Variants in ZC3H14 observed in about 807,000 individuals in gnomAD.
ZC3H14 encodes zinc finger CCCH-type containing 14.
A neutral mutation model predicts 92.4 loss-of-function variants in ZC3H14; 31 were observed. The observed-to-expected ratio is 0.34, with a 90% CI of 0.25 to 0.45. The LOEUF (loss-of-function observed/expected upper bound fraction) is 0.45, where lower values mean the gene tolerates loss of function less well. ZC3H14 is among the 20% of genes least tolerant of loss of function. ZC3H14 has a pLI of 1.00. For synonymous variants in ZC3H14, 321 were observed against 300.9 expected, an observed-to-expected ratio of 1.07 and a Z score of -0.69; for missense variants, 781 against 897.3, an observed-to-expected ratio of 0.87 and a Z score of 1.66.
At position 88,572,603 on chromosome 14, in the gene ZC3H14, A is replaced by C; in HGVS notation, c.457A>C (p.Thr153Pro). Residue 153 changes from threonine to proline, a missense_variant, in exon 6 of 17, where the codon ACC (threonine) becomes CCC (proline). By Grantham distance (38) the Thr-to-Pro change is conservative. Coordinates refer to ENST00000251038, the MANE Select transcript of ZC3H14 (RefSeq NM_024824.5). ...ACAGACTTACGATGATGGAGCTGCAACCCGACTAATGTCAACAGTGAAACC... is the reference window on the plus strand; with the variant it reads ...ACAGACTTACGATGATGGAGCTGCACCCCGACTAATGTCAACAGTGAAACC... Reference protein sequence around the residue: ...VRQTYDDGAATRLMSTVKPLR... With the variant: ...VRQTYDDGAAPRLMSTVKPLR... 6.2e-7 allele frequency: 1 copy of C among 1,614,176 alleles called. No homozygotes were observed. The highest frequency in any genetic ancestry group is 8.5e-7 in the Non-Finnish European group (1 of 1,180,038).
At chr14:88,592,490 C>CTTT (rs1566945839) in intron 9 of ZC3H14, 3 of 115,984 alleles carry the variant, frequency 2.6e-5, no homozygotes, top group Non-Finnish European at 5.3e-5. Context: ...TATAAGGATT[C>CTTT]CTTTTTTTTT....
rs778169090 is a variant in ZC3H14 at position 88,602,888 on chromosome 14, C to T, written c.1575C>T (p.Val525=). Reference sequence around the variant, plus strand: ...AGTTTATAGTGACGCTGGATGGTGTCCCCAGCCCCCCAGGATACATGTCAG... The same window carrying T: ...AGTTTATAGTGACGCTGGATGGTGTTCCCAGCCCCCCAGGATACATGTCAG... ...SPKFIVTLDG[V]PSPPGYMSDQ... The change falls in exon 12 of 17, where the codon GTC becomes GTT. Residue 525 remains valine, a synonymous_variant. Coordinates refer to ENST00000251038, the MANE Select transcript of ZC3H14 (RefSeq NM_024824.5). 24 of 1,613,970 alleles carry T rather than the reference C, an allele frequency of 1.5e-5. No homozygotes were observed. The highest frequency in any genetic ancestry group is 3.3e-5 in the Admixed American group (2 of 59,998).
intron 7 of ZC3H14, 45 bp from the exon 8 acceptor site, chr14:88,575,795 C>T: frequency 6.6e-7 from 1 of 1,526,644 alleles, no homozygotes; most frequent in Non-Finnish European, 9.1e-7. Context: ...CTGTGAGGAA[C>T]TGAAATTTAA....
chr14:88,620,535 C>A lies in ZC3H14; in HGVS notation c.*8784C>A. On this transcript the variant is annotated 3_prime_UTR_variant, in exon 17 of 17. Coordinates refer to ENST00000251038, the MANE Select transcript of ZC3H14 (RefSeq NM_024824.5). This position sits in a 1 kb window ranked among gnomAD's most constrained non-coding sequence, Gnocchi z 4.3. ...TTAACATGAATTCATCAAACATTAC[C>A]TACTAGTACTTGCTATTATAGTTGG... The A allele has an allele frequency of 2.5e-6, 1 of 399,770 alleles. No individual in the cohort carries two copies. The highest frequency in any genetic ancestry group is 4.4e-6 in the Non-Finnish European group (1 of 228,396). The allele number at this position is 399,770 out of a possible 1,614,324, so 24.8% of individuals were successfully genotyped here. A position where few individuals can be genotyped will look rare whatever the true frequency, so the allele number is the denominator to read the frequency against.
chr14:88,592,038 A>G (rs191891423), intron 9 of ZC3H14: 32 of 152,370 alleles, frequency 2.1e-4, no homozygotes, highest in Admixed American at 6.5e-4. Flanking sequence ...CTGCTGATGA[A>G]TATTTACACT....
Position 88,574,681 on chromosome 14 carries a change from A to G in ZC3H14, c.862-12A>G, listed in dbSNP as rs1449241889. The G allele has an allele frequency of 1.9e-6, 3 of 1,614,046 alleles. No homozygotes were observed. The highest frequency in any genetic ancestry group is 2.5e-6 in the Non-Finnish European group (3 of 1,179,946). On this transcript the variant is annotated splice_polypyrimidine_tract_variant and intron_variant, in intron 6 of 16. Transcript: ENST00000251038. Reference sequence around the variant, plus strand: ...CTGAGATTAGGTAAGCATAAATTTTATCTGATTGCAGGATGAAAACTTTCG... The same window carrying G: ...CTGAGATTAGGTAAGCATAAATTTTGTCTGATTGCAGGATGAAAACTTTCG...
At chr14:88,588,066 C>G (rs927112846) in intron 9 of ZC3H14, among the ~76,000 whole-genome samples, 6 of 151,584 alleles carry the variant, frequency 4.0e-5, no homozygotes, top group African/African-American at 1.5e-4. Flanking sequence ...CCCTTAGGTT[C>G]TTCTTTTTTC....
intron 11 of ZC3H14, 70 bp downstream of exon 11, chr14:88,602,153 A>T: frequency 6.2e-7 from 1 of 1,603,906 alleles, no homozygotes; most frequent in Non-Finnish European, 8.5e-7. Flanking sequence ...ATTCGTTTGC[A>T]GCTTCCCTCC....
Position 88,609,732 on chromosome 14 carries a change from C to T in ZC3H14, c.2026C>T (p.Pro676Ser), listed in dbSNP as rs376575212. The stretch of plus-strand genomic sequence containing the variant: ...GTTAGCAGTTGCACCACCAGCACCA[C>T]CTTCCAGTAGTCAGCTCTGCCGTTA... ...PKPAVAPPAP[P>S]SSSQLCRYFP... Residue 676 changes from proline to serine, a missense_variant, in exon 15 of 17, where the codon CCT becomes TCT. Physicochemically the swap from Pro to Ser is moderately conservative, Grantham distance 74. Coordinates refer to ENST00000251038, the MANE Select transcript of ZC3H14 (RefSeq NM_024824.5). 3.1e-6 allele frequency: 5 copies of T among 1,614,192 alleles called. No homozygotes were observed. Among genetic ancestry groups the T allele is most frequent in the Non-Finnish European group, 3.4e-6 (4 of 1,180,020 alleles).
chr14:88,624,946 T>C lies in ZC3H14; in HGVS notation c.*13195T>C. The stretch of plus-strand genomic sequence containing the variant: ...AGGTAGGTCACAAATGCATAAATAT[T>C]CTGTGAAAAGAAAGAGGACTCACGG... On this transcript the variant is annotated 3_prime_UTR_variant, in exon 17 of 17. Transcript: ENST00000251038. 6.2e-7 allele frequency: 1 copy of C among 1,611,476 alleles called. No homozygotes were observed.
At chr14:88,592,547 C>G (rs1454554759) in intron 9 of ZC3H14, 1 of 121,828 alleles carries the variant, frequency 8.2e-6, no homozygotes, top group Non-Finnish European at 1.6e-5. Flanking sequence ...GTCACCCAGG[C>G]TGCAGTGCAG....
Position 88,615,917 on chromosome 14 carries a change from A to AT in ZC3H14, c.*4167dup, listed in dbSNP as rs1232135676. 1.9e-5 allele frequency: 30 copies of AT among 1,548,584 alleles called. No homozygotes were observed. The Admixed American group carries it at 5.8e-4, about 30-fold the overall frequency. On this transcript the variant is annotated 3_prime_UTR_variant, in exon 17 of 17. Coordinates refer to ENST00000251038, the MANE Select transcript of ZC3H14 (RefSeq NM_024824.5). ...GTTTTTAGATTTTCATAACAGTTTAATATTTTTCAGTTGTGCTTTCAGGTT... is the reference window on the plus strand; with the variant it reads ...GTTTTTAGATTTTCATAACAGTTTAATTATTTTTCAGTTGTGCTTTCAGGTT...
chr14:88,618,172 A>AT lies in ZC3H14; in HGVS notation c.*6425dup. The AT allele has an allele frequency of 5.4e-6, 8 of 1,469,344 alleles. No individual in the cohort carries two copies. The South Asian group carries it at 8.1e-5, about 15-fold the overall frequency. The allele number at this position is 1,469,344 out of a possible 1,614,324, so 91.0% of individuals were successfully genotyped here. On this transcript the variant is annotated 3_prime_UTR_variant, in exon 17 of 17. Coordinates refer to ENST00000251038, the MANE Select transcript of ZC3H14 (RefSeq NM_024824.5). ...ATGGCTCTAACAGTTCAGAAATAGG[A>AT]TTTTCTAACTGGCCTTCAAAGTCAG...
chr14:88,596,803 G>A lies in ZC3H14; in HGVS notation c.1349G>A (p.Ser450Asn). The A allele has an allele frequency of 6.2e-7, 1 of 1,613,910 alleles. No homozygotes were observed. Among genetic ancestry groups the A allele is most frequent in the Admixed American group, 1.7e-5 (1 of 60,026 alleles). ...GTAATGGCAGAAACTCTGCAGATGA[G>A]TCAAGGTTGGTAATGTTTCAAGTTG... is the stretch of plus-strand genomic sequence containing the variant. The part of the protein sequence containing the change: ...DPVMAETLQM[S>N]QDYYDMESMV... The change falls in exon 10 of 17, where the codon AGT (serine) becomes AAT (asparagine). Residue 450 changes from serine (S) to asparagine (N), a missense_variant. By Grantham distance (46) the Ser-to-Asn change is conservative. Coordinates refer to ENST00000251038, the MANE Select transcript of ZC3H14 (RefSeq NM_024824.5).
At chr14:88,573,193 A>G (rs538222830) in intron 6 of ZC3H14, among the ~76,000 whole-genome samples, 186 bp downstream of exon 6, 1 of 152,110 alleles carries the variant, frequency 6.6e-6, no homozygotes, top group African/African-American at 2.4e-5. Flanking sequence ...ATCCTGGCTA[A>G]CACGGTGAAA....
chr14:88,603,017 G>C lies in ZC3H14; in HGVS notation c.1704G>C (p.Leu568Phe), dbSNP rs200973470. The change falls in exon 12 of 17, where the codon TTG (leucine) becomes TTC (phenylalanine). Residue 568 changes from leucine (L) to phenylalanine (F), a missense_variant. By Grantham distance (22) the Leu-to-Phe change is conservative. Around this residue, in one of 3 missense-constraint regions of ZC3H14, gnomAD observed 221 missense variants for 304.7 expected, o/e 0.73. Coordinates refer to ENST00000251038, the MANE Select transcript of ZC3H14 (RefSeq NM_024824.5). ...TCCTCCACCCACAGCAGTTGCACTT[G>C]CTGAGCAGGCAGCTTGAGGACCCAA... ...RGLLHPQQLH[L>F]LSRQLEDPNG... The C allele has an allele frequency of 3.7e-6, 6 of 1,614,198 alleles. No homozygotes were observed. Among genetic ancestry groups the C allele is most frequent in the Non-Finnish European group, 5.1e-6 (6 of 1,180,034 alleles).
chr14:88,572,505 T>G (rs900871963), intron 5 of ZC3H14, 73 bp from the exon 6 acceptor site: 4 of 1,575,166 alleles, frequency 2.5e-6, no homozygotes, highest in Non-Finnish European at 3.5e-6. Context: ...ATTTTTCAAG[T>G]AAACATTCTT....
intron 10 of ZC3H14, among the ~76,000 whole-genome samples, chr14:88,599,954 C>T (rs544451333): frequency 6.6e-6 from 1 of 152,292 alleles, no homozygotes; most frequent in South Asian, 2.1e-4. Context: ...AGTGAGGATT[C>T]AGTGAGAGAC....
intron 13 of ZC3H14, chr14:88,608,735 G>A (rs1430070782): frequency 6.2e-6 from 1 of 160,212 alleles, no homozygotes; most frequent in East Asian, 1.9e-4. Flanking sequence ...TTTTGGACTT[G>A]GGTTAAATTT....
Sources: gnomAD v4.1 joint callset for allele counts (sites outside exome capture counted in the v4.1 genomes callset) on GRCh38, gnomAD v4.1.1 for gene constraint, gnomAD v4.1.1 regional missense constraint, Gnocchi (gnomAD v3.1) non-coding constraint, MANE v1.5 for transcripts, NCBI Gene and HGNC (gene_info 2026-07-23, HGNC 2026-07-21) for gene names.